The following POLA1 variants were observed in gnomAD, a reference collection of about 807,000 sequenced individuals.
POLA1 encodes DNA polymerase alpha 1, catalytic subunit, also known as DNA polymerase alpha catalytic subunit.
Under a neutral mutation model 124.0 loss-of-function variants are expected in POLA1, and 15 were observed. The ratio of observed to expected loss-of-function variants is 0.12; its 90% CI spans 0.08 to 0.19. The LOEUF (loss-of-function observed/expected upper bound fraction) is 0.19. Among genes scored for constraint, POLA1 ranks in the 10% least tolerant of loss-of-function variants. The pLI is 1.00. For synonymous variants in POLA1, 408 were observed against 389.4 expected, an observed-to-expected ratio of 1.05 and a Z score of -0.56; for missense variants, 886 against 1,103.4, an observed-to-expected ratio of 0.80 and a Z score of 2.79.
At chrX:24,719,185 C>T (rs1161653345) in intron 10 of POLA1, among the ~76,000 whole-genome samples, 1 of 110,270 alleles carries the variant, frequency 9.1e-6, no homozygotes, top group Non-Finnish European at 1.9e-5. Flanking sequence ...AGAGGGAGTA[C>T]CTAGATGTCA....
intron 12 of POLA1, among the ~76,000 whole-genome samples, chrX:24,724,674 A>G (rs1403994727): frequency 8.9e-6 from 1 of 112,619 alleles, no homozygotes; most frequent in Non-Finnish European, 1.9e-5. Flanking sequence ...ATTAATTTGA[A>G]TAGAAAGACA....
At chrX:24,913,723 A>AC (rs1205519899) in intron 35 of POLA1, among the ~76,000 whole-genome samples, 1 of 96,279 alleles carries the variant, frequency 1.0e-5, no homozygotes, top group Non-Finnish European at 2.0e-5. Context: ...TCAAAAAAAA[A>AC]CAAAAAAAAA....
chrX:24,981,497 G>A (rs1229596874), intron 36 of POLA1, among the ~76,000 whole-genome samples: 2 of 112,408 alleles, frequency 1.8e-5, no homozygotes, highest in Non-Finnish European at 3.8e-5. Flanking sequence ...TTTCTACTTC[G>A]AGCTATTGTT....
intron 32 of POLA1, among the ~76,000 whole-genome samples, chrX:24,841,289 A>G (rs1268811346): frequency 1.8e-5 from 2 of 111,961 alleles, no homozygotes; most frequent in East Asian, 5.6e-4. Context: ...CTTTAATGGG[A>G]TTTTTATTCC....
At position 24,901,894 on chromosome X, in the gene POLA1, T is replaced by C. The variant is rs758580477; in HGVS notation, c.4164+13772T>C. On this transcript the variant is annotated intron_variant, in intron 35 of 36. Coordinates refer to ENST00000379068, the MANE Select transcript of POLA1 (RefSeq NM_001330360.2). The stretch of plus-strand genomic sequence containing the variant: ...TATAGCATAGCAGTATCCTTACTCT[T>C]AATAGACTTTAGGGGAAAAAAATGA... 8.1e-5 allele frequency among the ~76,000 whole-genome samples: 9 copies of C among 111,784 alleles called. No individual in the cohort carries two copies. In the South Asian group the frequency reaches 3.4e-3, roughly 42 times the overall value.
chrX:24,919,381 G>A (rs1021428701), intron 35 of POLA1, among the ~76,000 whole-genome samples: 7 of 110,924 alleles, frequency 6.3e-5, no homozygotes, highest in Non-Finnish European at 7.5e-5. Flanking sequence ...GCCAGATACC[G>A]TACTGTTTCC....
intron 34 of POLA1, among the ~76,000 whole-genome samples, chrX:24,872,718 C>A (rs1300592832): frequency 9.0e-6 from 1 of 111,339 alleles, no homozygotes; most frequent in Non-Finnish European, 1.9e-5. Context: ...GGGTAGTTCA[C>A]GTCAGTAGGA....
At chrX:24,795,390 A>G (rs953140088) in intron 26 of POLA1, among the ~76,000 whole-genome samples, 1 of 111,206 alleles carries the variant, frequency 9.0e-6, no homozygotes. Flanking sequence ...GTATACCCTC[A>G]ATGGTGTTGG....
intron 26 of POLA1, among the ~76,000 whole-genome samples, chrX:24,783,968 T>C (rs2045314523): frequency 9.0e-6 from 1 of 111,335 alleles, no homozygotes; most frequent in African/African-American, 3.3e-5. Context: ...TGGAAAGCGT[T>C]GTTCTAGAAA....
chrX:24,757,041 T>A (rs1383276806), intron 26 of POLA1, among the ~76,000 whole-genome samples: 1 of 111,269 alleles, frequency 9.0e-6, no homozygotes, highest in East Asian at 2.8e-4. Context: ...TTAAGGCTAA[T>A]ATGAAGGTTT....
At chrX:24,710,053 C>G (rs1379577382) in intron 4 of POLA1, among the ~76,000 whole-genome samples, 24 of 104,814 alleles carry the variant, frequency 2.3e-4, no homozygotes, top group African/African-American at 8.0e-4. Flanking sequence ...GCTCCTTGCC[C>G]TCGGGCCCCG....
intron 35 of POLA1, among the ~76,000 whole-genome samples, chrX:24,892,538 G>C (rs1490007861): frequency 1.8e-5 from 2 of 111,742 alleles, no homozygotes; most frequent in Admixed American, 1.9e-4. Flanking sequence ...TTTTAATATG[G>C]TGAAATGTGT....
intron 10 of POLA1, among the ~76,000 whole-genome samples, chrX:24,721,924 T>A (rs991967533): frequency 1.8e-5 from 2 of 111,507 alleles, no homozygotes; most frequent in African/African-American, 6.5e-5. Context: ...TTTTCTGAGT[T>A]ACTGTGATTT....
intron 36 of POLA1, among the ~76,000 whole-genome samples, chrX:24,952,753 A>G (rs2147249430): frequency 8.9e-6 from 1 of 112,470 alleles, no homozygotes; most frequent in African/African-American, 3.2e-5. Flanking sequence ...GAAATGAGAT[A>G]TGTTGTATTT....
chrX:24,940,929 C>T (rs759389225), intron 36 of POLA1, among the ~76,000 whole-genome samples: 28 of 112,031 alleles, frequency 2.5e-4, no homozygotes, highest in Non-Finnish European at 3.6e-4. Context: ...AGAATTGTTT[C>T]ATGGTCTCAG....
chrX:24,770,895 AG>A (rs2045019335), intron 26 of POLA1, among the ~76,000 whole-genome samples: 1 of 111,230 alleles, frequency 9.0e-6, no homozygotes, highest in African/African-American at 3.3e-5. Context: ...AGGAACTGGA[AG>A]GGGGTTAGTT....
chrX:24,887,267 G>C (rs949695421), intron 34 of POLA1, among the ~76,000 whole-genome samples: 1 of 112,103 alleles, frequency 8.9e-6, no homozygotes, highest in African/African-American at 3.2e-5. Flanking sequence ...AGATCAGCAA[G>C]GGAGAGTAAC....
chrX:24,880,036 A>G (rs970462572), intron 34 of POLA1, among the ~76,000 whole-genome samples: 1 of 111,589 alleles, frequency 9.0e-6, no homozygotes, highest in African/African-American at 3.3e-5. Flanking sequence ...AAGGCTCTGT[A>G]TTGGATTTGA....
At chrX:24,923,921 A>C (rs2047655200) in intron 35 of POLA1, among the ~76,000 whole-genome samples, 1 of 112,218 alleles carries the variant, frequency 8.9e-6, no homozygotes, top group Non-Finnish European at 1.9e-5. Flanking sequence ...AGTTTATTTC[A>C]ACCTTTTCAT....
Sources: gnomAD v4.1 joint callset for allele counts (sites outside exome capture counted in the v4.1 genomes callset) on GRCh38, gnomAD v4.1.1 for gene constraint, MANE v1.5 for transcripts, NCBI Gene and HGNC (gene_info 2026-07-23, HGNC 2026-07-21) for gene names.